The following INSIG1 variants were observed in gnomAD, a reference collection of about 807,000 sequenced individuals.
INSIG1 encodes insulin-induced gene 1 protein.
In INSIG1, 14 loss-of-function variants were observed where a neutral mutation model predicts 26.5. The observed-to-expected ratio is 0.53, with a 90% CI of 0.35 to 0.83. The LOEUF is 0.83. Ranked by LOEUF, INSIG1 falls within the 40% of genes least tolerant of loss-of-function variation. The pLI, the probability that INSIG1 is intolerant of heterozygous loss-of-function variation, is 0.01. For synonymous variants in INSIG1, 147 were observed against 153.3 expected, an observed-to-expected ratio of 0.96 and a Z score of 0.30; for missense variants, 272 against 368.9, an observed-to-expected ratio of 0.74 and a Z score of 2.15.
Position 155,298,467 on chromosome 7 carries a change from G to A in INSIG1, c.182G>A (p.Arg61Lys), listed in dbSNP as rs772680330. 1.9e-6 allele frequency: 3 copies of A among 1,558,978 alleles called. No homozygotes were observed. Among genetic ancestry groups the A allele is most frequent in the Non-Finnish European group, 1.7e-6 (2 of 1,153,380 alleles). Residue 61 changes from arginine (R) to lysine (K), a missense_variant, in exon 2 of 6, where the codon AGG becomes AAG. Coordinates refer to ENST00000340368, the MANE Select transcript of INSIG1 (RefSeq NM_005542.6). The stretch of plus-strand genomic sequence containing the variant: ...GCCCCGGACGCTGACCCCGCGCCCA[G>A]GGGCCGCAGTGCTGCGATGAGCGGC... ...HGAPDADPAP[R>K]GRSAAMSGPE... is the part of the protein sequence containing the mutation.
At chr7:155,305,052 A>G (rs1797900083) in intron 5 of INSIG1, among the ~76,000 whole-genome samples, 1 of 150,178 alleles carries the variant, frequency 6.7e-6, no homozygotes, top group African/African-American at 2.4e-5. Flanking sequence ...ATGCTGAGGC[A>G]GGAGAATGGC....
Position 155,302,295 on chromosome 7 carries a change from A to C in INSIG1, c.582A>C (p.Ala194=), listed in dbSNP as rs755364368. 6.2e-7 allele frequency: 1 copy of C among 1,601,848 alleles called. No homozygotes were observed. Among genetic ancestry groups the C allele is most frequent in the South Asian group, 1.1e-5 (1 of 88,598 alleles). The change falls in exon 4 of 6, where the codon GCA becomes GCC. Residue 194 remains alanine, a synonymous_variant. Coordinates refer to ENST00000340368, the MANE Select transcript of INSIG1 (RefSeq NM_005542.6). This position sits in a 1 kb window ranked among gnomAD's most constrained non-coding sequence, Gnocchi z 4.3. Reference sequence around the variant, plus strand: ...ATGTCCAGCTGTCCTTGACTTTAGCAGCCCTATCTTTGGGCCTTTGGTGGA... The same window carrying C: ...ATGTCCAGCTGTCCTTGACTTTAGCCGCCCTATCTTTGGGCCTTTGGTGGA... ...ANNVQLSLTL[A]ALSLGLWWTF... is the part of the protein sequence containing the mutation.
rs199725010 is a variant in INSIG1 at position 155,300,843 on chromosome 7, G to GTT, written c.413-720_413-719dup. The stretch of plus-strand genomic sequence containing the variant: ...AGGGCAAGCTGGGATTTGAGGCTGA[G>GTT]TTTTCTCTTCTTGGTCTGGTGTTCT... On this transcript the variant is annotated intron_variant, in intron 2 of 5. Coordinates refer to ENST00000340368, the MANE Select transcript of INSIG1 (RefSeq NM_005542.6). 3.0e-3 allele frequency among the ~76,000 whole-genome samples: 462 copies of GTT among 152,338 alleles called. 6 individuals are homozygous for GTT. Among genetic ancestry groups the GTT allele is most frequent in the South Asian group, 2.5e-3 (12 of 4,830 alleles).
intron 2 of INSIG1, among the ~76,000 whole-genome samples, chr7:155,300,706 T>C (rs1214374428): frequency 6.6e-6 from 1 of 152,218 alleles, no homozygotes; most frequent in East Asian, 1.9e-4. Flanking sequence ...AGTTCGTGTC[T>C]ATAAAGAATA....
At chr7:155,304,981 CAAAAAAA>C (rs764489772) in intron 5 of INSIG1, among the ~76,000 whole-genome samples, 1 of 129,794 alleles carries the variant, frequency 7.7e-6, no homozygotes, top group African/African-American at 2.9e-5. Flanking sequence ...ACTAAAAATA[CAAAAAAA>C]AAAAAAAAAT....
At chr7:155,303,661 G>T (rs895681081) in intron 5 of INSIG1, among the ~76,000 whole-genome samples, 3 of 152,086 alleles carry the variant, frequency 2.0e-5, no homozygotes, top group Non-Finnish European at 2.9e-5. Flanking sequence ...AAAACATAGA[G>T]GTGGACTTTT....
At chr7:155,303,426 G>T (rs1191908670) in intron 5 of INSIG1, among the ~76,000 whole-genome samples, 2 of 152,238 alleles carry the variant, frequency 1.3e-5, no homozygotes, top group African/African-American at 4.8e-5. Flanking sequence ...GTGGCCCTGG[G>T]CATGGAGAAG....
Position 155,308,306 on chromosome 7 carries a change from T to G in INSIG1, c.*36T>G. ...CCACCGATTCTGAGAGCAAGGAAGA[T>G]TTTGGAAGAAAATCTGACTGTGGAT... is the stretch of plus-strand genomic sequence containing the variant. On this transcript the variant is annotated 3_prime_UTR_variant, in exon 6 of 6. Transcript: ENST00000340368. 1 of 1,612,528 alleles carries G rather than the reference T, an allele frequency of 6.2e-7. No homozygotes were observed.
chr7:155,305,880 C>T (rs537398662), intron 5 of INSIG1, among the ~76,000 whole-genome samples: 2 of 152,328 alleles, frequency 1.3e-5, no homozygotes, highest in South Asian at 4.1e-4. Flanking sequence ...ATATGGTCTC[C>T]TAGCTTTTTC....
chr7:155,304,056 C>G (rs768223691), intron 5 of INSIG1, among the ~76,000 whole-genome samples: 2 of 150,232 alleles, frequency 1.3e-5, no homozygotes, highest in African/African-American at 2.5e-5. Context: ...CTTGAGCTCC[C>G]GGACTCAAGC....
chr7:155,300,319 A>G (rs1797749767), intron 2 of INSIG1, among the ~76,000 whole-genome samples: 1 of 152,178 alleles, frequency 6.6e-6, no homozygotes, highest in South Asian at 2.1e-4. Flanking sequence ...AATTTTTCAT[A>G]GTATGTTTTT....
rs780898112 is a variant in INSIG1, at chr7:155,298,442, G to T, written c.157G>T (p.Ala53Ser). 1.3e-6 allele frequency: 2 copies of T among 1,554,598 alleles called. No individual in the cohort carries two copies. Among genetic ancestry groups the T allele is most frequent in the Non-Finnish European group, 1.7e-6 (2 of 1,150,968 alleles). Residue 53 changes from alanine (A) to serine (S), a missense_variant, in exon 2 of 6, where the codon GCC becomes TCC. Ala to Ser is a moderately conservative substitution (Grantham distance 99, BLOSUM62 1). This residue lies in a region of INSIG1 where 161 missense variants were observed against 179.2 expected (regional missense o/e 0.90). Coordinates refer to ENST00000340368, the MANE Select transcript of INSIG1 (RefSeq NM_005542.6). Reference protein sequence around the residue: ...SGPSLLAAHGAPDADPAPRGR... With the variant: ...SGPSLLAAHGSPDADPAPRGR... ...GCCCTCCCTGCTGGCGGCCCACGGTGCCCCGGACGCTGACCCCGCGCCCAG... is the reference window on the plus strand; with the variant it reads ...GCCCTCCCTGCTGGCGGCCCACGGTTCCCCGGACGCTGACCCCGCGCCCAG...
At position 155,302,151 on chromosome 7, in the gene INSIG1, G is replaced by T; in HGVS notation, c.538-100G>T. On this transcript the variant is annotated intron_variant, in intron 3 of 5. Coordinates refer to ENST00000340368, the MANE Select transcript of INSIG1 (RefSeq NM_005542.6). This position sits in a 1 kb window ranked among gnomAD's most constrained non-coding sequence, Gnocchi z 4.3. ...TTTTTATGGACAGTGAATTATCTGT[G>T]GTACAATAATAAAATACCCATGTTT... The T allele has an allele frequency of 1.2e-6, 1 of 861,408 alleles. No homozygotes were observed. Among genetic ancestry groups the T allele is most frequent in the South Asian group, 2.1e-5 (1 of 47,900 alleles). 53.4% of individuals were successfully genotyped at this position (861,408 alleles called of 1,614,324 possible).
At chr7:155,299,331 C>A (rs1396951098) in intron 2 of INSIG1, among the ~76,000 whole-genome samples, 1 of 152,152 alleles carries the variant, frequency 6.6e-6, no homozygotes, top group African/African-American at 2.4e-5. Context: ...CAAGCAGTAG[C>A]ATAGATGCTG....
Position 155,302,642 on chromosome 7 carries a change from G to A in INSIG1, c.705-105G>A. 1.1e-6 allele frequency: 1 copy of A among 927,526 alleles called. No homozygotes were observed. Among genetic ancestry groups the A allele is most frequent in the Non-Finnish European group, 1.7e-6 (1 of 586,836 alleles). The allele number at this position is 927,526 out of a possible 1,614,324, so 57.5% of individuals were successfully genotyped here. Reference sequence around the variant, plus strand: ...ACAAATATGAACATTCGTAACATTGGATGGTTGATATGCGTTCTGCATATC... The same window carrying A: ...ACAAATATGAACATTCGTAACATTGAATGGTTGATATGCGTTCTGCATATC... On this transcript the variant is annotated intron_variant, in intron 4 of 5. Coordinates refer to ENST00000340368, the MANE Select transcript of INSIG1 (RefSeq NM_005542.6). This position sits in a 1 kb window ranked among gnomAD's most constrained non-coding sequence, Gnocchi z 4.3.
intron 5 of INSIG1, among the ~76,000 whole-genome samples, chr7:155,305,371 G>A (rs1280391239): frequency 6.6e-6 from 1 of 152,046 alleles, no homozygotes; most frequent in African/African-American, 2.4e-5. Context: ...ATGGCCCAGG[G>A]GCTTCACAGT....
Position 155,302,854 on chromosome 7 carries a change from A to T in INSIG1, c.804+8A>T. The T allele has an allele frequency of 5.8e-6, 9 of 1,539,156 alleles. No individual in the cohort carries two copies. Among genetic ancestry groups the T allele is most frequent in the Non-Finnish European group, 8.1e-6 (9 of 1,112,204 alleles). Reference sequence around the variant, plus strand: ...GGACGACAGTTAGCTATGGTAAGTGAAATGATCATATTATCTTCTAAAACT... The same window carrying T: ...GGACGACAGTTAGCTATGGTAAGTGTAATGATCATATTATCTTCTAAAACT... On this transcript the variant is annotated splice_region_variant and intron_variant, in intron 5 of 5. Transcript: ENST00000340368. The surrounding 1 kb of genome is among the most constrained non-coding windows in gnomAD (Gnocchi z 4.3).
At chr7:155,300,085 T>C (rs1005996156) in intron 2 of INSIG1, among the ~76,000 whole-genome samples, 1 of 152,262 alleles carries the variant, frequency 6.6e-6, no homozygotes, top group African/African-American at 2.4e-5. Context: ...GCTGTACTAA[T>C]TGAACATTTT....
At chr7:155,303,645 A>C (rs1156515564) in intron 5 of INSIG1, among the ~76,000 whole-genome samples, 1 of 152,216 alleles carries the variant, frequency 6.6e-6, no homozygotes, top group Non-Finnish European at 1.5e-5. Context: ...TTAGCACTTC[A>C]ATTTAAAAAC....
Sources: gnomAD v4.1 joint callset for allele counts (sites outside exome capture counted in the v4.1 genomes callset) on GRCh38, gnomAD v4.1.1 for gene constraint, gnomAD v4.1.1 regional missense constraint, Gnocchi (gnomAD v3.1) non-coding constraint, MANE v1.5 for transcripts, NCBI Gene and HGNC (gene_info 2026-07-23, HGNC 2026-07-21) for gene names.